FRYL: variants seen among roughly 807,000 people sequenced by gnomAD.
FRYL encodes protein furry homolog-like.
A neutral mutation model predicts 351.2 loss-of-function variants in FRYL; 150 were observed. The ratio of observed to expected loss-of-function variants is 0.43; its 90% confidence interval spans 0.37 to 0.49. The LOEUF (loss-of-function observed/expected upper bound fraction) is 0.49. Ranked by LOEUF, FRYL falls within the 20% of genes least tolerant of loss-of-function variation. The pLI, the probability that FRYL is intolerant of heterozygous loss-of-function variation, is 0.00. For synonymous variants in FRYL, 1,153 were observed against 1,257.1 expected (o/e 0.92, Z 1.75); for missense variants, 3,036 against 3,619.3 (o/e 0.84, Z 4.13).
chr4:48,608,212 T>G (rs184188503), intron 9 of FRYL, among the ~76,000 whole-genome samples: 22 of 152,278 alleles, frequency 1.4e-4, no homozygotes, highest in African/African-American at 4.6e-4. Flanking sequence ...CTAAATAAAA[T>G]ATTTCACTTA....
intron 1 of FRYL, among the ~76,000 whole-genome samples, chr4:48,738,381 C>T (rs1450585654): frequency 6.6e-6 from 1 of 152,060 alleles, no homozygotes; most frequent in Non-Finnish European, 1.5e-5. Context: ...TAGGTATAAA[C>T]CTAACAAAAT....
chr4:48,650,293 T>C lies in FRYL; in HGVS notation c.-80-15803A>G, dbSNP rs753275096. ...TATAAACTCATCCCAACAAAAATTA[T>C]TGCAGCTCTACCCAATATCTTACTT... is the stretch of plus-strand genomic sequence containing the variant. On this transcript the variant is annotated intron_variant, in intron 3 of 63. Transcript: ENST00000358350. 4.6e-5 allele frequency among the ~76,000 whole-genome samples: 7 copies of C among 152,306 alleles called. No homozygotes were observed. In the South Asian group the frequency reaches 8.3e-4, roughly 18 times the overall value.
chr4:48,553,529 A>G lies in FRYL; in HGVS notation c.4267-146T>C, dbSNP rs1398212656. 2.6e-5 allele frequency: 16 copies of G among 605,748 alleles called. No homozygotes were observed. In the East Asian group the frequency reaches 4.2e-4, roughly 16 times the overall value. 37.5% of individuals were successfully genotyped at this position (605,748 alleles called of 1,614,324 possible). A position where few individuals can be genotyped will look rare whatever the true frequency, so the allele number is the denominator to read the frequency against. Reference sequence around the variant, plus strand: ...AAATCAAAATTAGCACTGATCAACAATAAGACATTAATCAGCTTTATCAAT... The same window carrying G: ...AAATCAAAATTAGCACTGATCAACAGTAAGACATTAATCAGCTTTATCAAT... On this transcript the variant is annotated intron_variant, in intron 35 of 63. Coordinates refer to ENST00000358350, the MANE Select transcript of FRYL (RefSeq NM_015030.2).
intron 55 of FRYL, among the ~76,000 whole-genome samples, chr4:48,516,403 G>C (rs898296334): frequency 2.6e-5 from 4 of 152,172 alleles, no homozygotes; most frequent in African/African-American, 9.7e-5. Context: ...AAGCATATAT[G>C]ATGATGGTAT....
intron 19 of FRYL, 108 bp downstream of exon 19, chr4:48,586,513 A>C: frequency 4.3e-6 from 3 of 702,826 alleles, no homozygotes; most frequent in Non-Finnish European, 2.5e-6. Context: ...AAAGGATTAG[A>C]AATGTCTTTA....
chr4:48,692,166 G>A (rs80308101), intron 2 of FRYL, among the ~76,000 whole-genome samples: 8,866 of 152,238 alleles, frequency 0.058, 359 homozygotes, highest in Non-Finnish European at 0.089. Context: ...CCCTGAGTTA[G>A]GATTTTTCAA....
In FRYL at chr4:48,704,658, C is replaced by CA. The variant is rs1767116872; in HGVS notation, c.-204+5860dup. The stretch of plus-strand genomic sequence containing the variant: ...AAAACCCTGTCTCTACTAAAAAATA[C>CA]AAAAAACAGGCTGGGTGCAGTGGCT... On this transcript the variant is annotated intron_variant, in intron 2 of 63. Transcript: ENST00000358350. Among the ~76,000 whole-genome samples the CA allele has an allele frequency of 5.3e-5, 8 of 151,806 alleles. No homozygotes were observed. In the South Asian group the frequency reaches 1.7e-3, roughly 32 times the overall value.
At chr4:48,513,882 T>C (rs1392562644) in intron 56 of FRYL, among the ~76,000 whole-genome samples, 1 of 152,218 alleles carries the variant, frequency 6.6e-6, no homozygotes, top group East Asian at 1.9e-4. Context: ...CTGTTTGGCT[T>C]CAGCCTTTTA....
intron 15 of FRYL, among the ~76,000 whole-genome samples, chr4:48,594,323 T>TA (rs1346815671): frequency 6.6e-6 from 1 of 151,366 alleles, no homozygotes; most frequent in African/African-American, 2.4e-5. Flanking sequence ...CCCAAGACAA[T>TA]AGCCAGGCAG....
At chr4:48,547,307 G>A (rs555405022) in intron 41 of FRYL, among the ~76,000 whole-genome samples, 4 of 152,188 alleles carry the variant, frequency 2.6e-5, no homozygotes, top group Non-Finnish European at 5.9e-5. Flanking sequence ...TTCGTAATTC[G>A]TCCTCAATAA....
At chr4:48,665,595 C>A (rs1353384589) in intron 3 of FRYL, among the ~76,000 whole-genome samples, 1 of 152,100 alleles carries the variant, frequency 6.6e-6, no homozygotes, top group African/African-American at 2.4e-5. Flanking sequence ...GTTTCACTGA[C>A]AATACAGGTT....
intron 35 of FRYL, among the ~76,000 whole-genome samples, chr4:48,554,361 C>T (rs529646260): frequency 1.6e-4 from 24 of 149,858 alleles, no homozygotes; most frequent in Non-Finnish European, 3.1e-4. Flanking sequence ...TTTTTTGAGA[C>T]GGAGTCTCGC....
intron 22 of FRYL, among the ~76,000 whole-genome samples, chr4:48,579,507 T>C (rs1322020223): frequency 6.6e-6 from 1 of 152,162 alleles, no homozygotes; most frequent in Non-Finnish European, 1.5e-5. Flanking sequence ...AGGACCACTA[T>C]TTAAGTAATT....
intron 13 of FRYL, among the ~76,000 whole-genome samples, chr4:48,601,323 A>G (rs1745653826): frequency 6.6e-6 from 1 of 152,202 alleles, no homozygotes; most frequent in Non-Finnish European, 1.5e-5. Context: ...TATTCAAATC[A>G]AGCATTCGCA....
rs1382115569 is a variant in FRYL at position 48,528,230 on chromosome 4, C to T, written c.7010G>A (p.Gly2337Asp). The T allele has an allele frequency of 6.2e-7, 1 of 1,613,208 alleles. No individual in the cohort carries two copies. Among genetic ancestry groups the T allele is most frequent in the Non-Finnish European group, 8.5e-7 (1 of 1,179,394 alleles). ...AGGAACCAAGGCATTAGAATTAGAA[C>T]CAGAAGAAGTTGAGGAAGTACTTCT... is the stretch of plus-strand genomic sequence containing the variant. ...VTRSTSSTSS[G>D]SNSNALVPVS... The change falls in exon 51 of 64, where the codon GGT becomes GAT. Residue 2337 changes from glycine to aspartate, a missense_variant. Physicochemically the swap from Gly to Asp is moderately conservative, Grantham distance 94. Coordinates refer to ENST00000358350, the MANE Select transcript of FRYL (RefSeq NM_015030.2).
chr4:48,629,310 G>C (rs1302488439), intron 4 of FRYL, among the ~76,000 whole-genome samples: 1 of 152,056 alleles, frequency 6.6e-6, no homozygotes, highest in Non-Finnish European at 1.5e-5. Context: ...TCCTAAAACA[G>C]AACAGTGAAA....
chr4:48,555,896 A>C (rs548784320), intron 35 of FRYL, among the ~76,000 whole-genome samples: 1 of 152,104 alleles, frequency 6.6e-6, no homozygotes, highest in East Asian at 1.9e-4. Context: ...TTATTTATTT[A>C]TTTTTATTTT....
At chr4:48,512,752 C>A (rs1320919074) in intron 56 of FRYL, 64 bp from the exon 57 acceptor site, 4 of 1,174,906 alleles carry the variant, frequency 3.4e-6, no homozygotes, top group Non-Finnish European at 5.0e-6. Context: ...GGCTCAATCA[C>A]GTAAGACAGC....
At chr4:48,655,670 T>C (rs1194483161) in intron 3 of FRYL, among the ~76,000 whole-genome samples, 1 of 147,300 alleles carries the variant, frequency 6.8e-6, no homozygotes, top group East Asian at 1.9e-4. Flanking sequence ...ATATAATGTA[T>C]AATGTATTAT....
Sources: allele counts gnomAD v4.1 joint callset (sites outside exome capture counted in the v4.1 genomes callset), GRCh38; gene constraint gnomAD v4.1.1; transcripts MANE v1.5; gene names NCBI Gene and HGNC (gene_info 2026-07-23, HGNC 2026-07-21).